ARHGAP44: variants seen among roughly 807,000 people sequenced by gnomAD.
ARHGAP44 encodes rho GTPase-activating protein 44.
Under a neutral mutation model 106.8 loss-of-function variants are expected in ARHGAP44, and 43 were observed. The observed-to-expected ratio is 0.40, with a 90% CI of 0.32 to 0.52. ARHGAP44 has a LOEUF of 0.52. ARHGAP44 is among the 20% of genes least tolerant of loss of function. The pLI is 0.48. For synonymous variants in ARHGAP44, 439 were observed against 410.3 expected (o/e 1.07, Z -0.85); for missense variants, 866 against 1,050.5 (o/e 0.82, Z 2.43).
At position 12,871,585 on chromosome 17, in the gene ARHGAP44, T is replaced by G. The variant is rs559394535; in HGVS notation, c.54-23355T>G. On this transcript the variant is annotated intron_variant, in intron 1 of 20. Transcript: ENST00000379672. ...ATAACTGGATCTCGTGAGAGCTCAC[T>G]GTCTTGAGAACAACAAGGGGGAAAT... is the stretch of plus-strand genomic sequence containing the variant. Among the ~76,000 whole-genome samples, 3 of 152,156 alleles carry G rather than the reference T, an allele frequency of 2.0e-5. No individual in the cohort carries two copies. The South Asian group carries it at 6.2e-4, about 32-fold the overall frequency.
chr17:12,913,554 T>C (rs1427262091), intron 4 of ARHGAP44, among the ~76,000 whole-genome samples: 1 of 152,194 alleles, frequency 6.6e-6, no homozygotes, highest in Non-Finnish European at 1.5e-5. Context: ...TGTTAATAGC[T>C]AATATTTAAA....
At chr17:12,899,980 G>C (rs2037327237) in intron 3 of ARHGAP44, among the ~76,000 whole-genome samples, 2 of 152,146 alleles carry the variant, frequency 1.3e-5, no homozygotes, top group Admixed American at 1.3e-4. Flanking sequence ...GATGTGGGTA[G>C]GCATAAAAAT....
At chr17:12,922,426 A>T (rs887624208) in intron 6 of ARHGAP44, among the ~76,000 whole-genome samples, 33 of 152,090 alleles carry the variant, frequency 2.2e-4, no homozygotes, top group Admixed American at 2.0e-3. Context: ...CAAGTACCCT[A>T]TTTTGGGAGT....
intron 3 of ARHGAP44, among the ~76,000 whole-genome samples, chr17:12,900,271 A>G (rs955742606): frequency 3.9e-5 from 6 of 152,082 alleles, no homozygotes; most frequent in African/African-American, 1.2e-4. Context: ...CTGAGATTAC[A>G]GACGCCCACC....
intron 3 of ARHGAP44, among the ~76,000 whole-genome samples, chr17:12,897,997 T>A (rs898379641): frequency 3.3e-5 from 5 of 151,884 alleles, no homozygotes; most frequent in African/African-American, 1.2e-4. Flanking sequence ...GATAGAAGAT[T>A]TGAGGTATGG....
At chr17:12,887,354 G>A (rs564565885) in intron 1 of ARHGAP44, among the ~76,000 whole-genome samples, 28 of 152,074 alleles carry the variant, frequency 1.8e-4, no homozygotes, top group Non-Finnish European at 3.4e-4. Flanking sequence ...TCAGCCACCC[G>A]AGTGGCTAGG....
chr17:12,859,178 G>A (rs1337039742), intron 1 of ARHGAP44, among the ~76,000 whole-genome samples: 1 of 152,118 alleles, frequency 6.6e-6, no homozygotes, highest in South Asian at 2.1e-4. Context: ...AGAAGATGAC[G>A]TGACAACATA....
At chr17:12,797,716 T>G (rs909777893) in intron 1 of ARHGAP44, among the ~76,000 whole-genome samples, 2 of 152,192 alleles carry the variant, frequency 1.3e-5, no homozygotes, top group Non-Finnish European at 2.9e-5. Flanking sequence ...GTTGATCAGT[T>G]TTCTTGACTG....
intron 6 of ARHGAP44, among the ~76,000 whole-genome samples, chr17:12,922,358 T>A (rs1435845795): frequency 6.6e-6 from 1 of 152,212 alleles, no homozygotes; most frequent in Non-Finnish European, 1.5e-5. Context: ...AAGTACTGAT[T>A]TGCTATTACC....
Position 12,915,888 on chromosome 17 carries a change from C to G in ARHGAP44, c.276-12C>G, listed in dbSNP as rs370562315. On this transcript the variant is annotated splice_polypyrimidine_tract_variant and intron_variant, in intron 4 of 20. Transcript: ENST00000379672. ...AAGAGTATTCACTATTTCTTTCCCC[C>G]TTGGATTACAGGAAGATGCTGAAAC... 1 of 1,611,254 alleles carries G rather than the reference C, an allele frequency of 6.2e-7. No homozygotes were observed. The highest frequency in any genetic ancestry group is 1.3e-5 in the African/African-American group (1 of 74,976).
At chr17:12,911,728 TC>T (rs2037743949) in intron 4 of ARHGAP44, among the ~76,000 whole-genome samples, 2 of 152,256 alleles carry the variant, frequency 1.3e-5, no homozygotes, top group Admixed American at 1.3e-4. Flanking sequence ...AATGGGGGAC[TC>T]CCGGTGCAGT....
At chr17:12,925,073 G>A (rs9303066) in intron 6 of ARHGAP44, among the ~76,000 whole-genome samples, 110,182 of 151,910 alleles carry the variant, frequency 0.73, 40,347 homozygotes, top group African/African-American at 0.82. Context: ...CTCATTCCTC[G>A]TCTCTCACCC....
intron 1 of ARHGAP44, among the ~76,000 whole-genome samples, chr17:12,840,447 C>T (rs951617613): frequency 1.3e-5 from 2 of 152,204 alleles, no homozygotes; most frequent in Non-Finnish European, 2.9e-5. Context: ...TTGTTTGCCA[C>T]TAGTTGGCCA....
chr17:12,921,739 T>G (rs2038091541), intron 6 of ARHGAP44, among the ~76,000 whole-genome samples: 1 of 152,240 alleles, frequency 6.6e-6, no homozygotes, highest in East Asian at 1.9e-4. Flanking sequence ...TCAAGTCACT[T>G]AATCTCCCAG....
At chr17:12,793,444 A>G (rs2033825249) in intron 1 of ARHGAP44, among the ~76,000 whole-genome samples, 1 of 152,162 alleles carries the variant, frequency 6.6e-6, no homozygotes, top group African/African-American at 2.4e-5. Flanking sequence ...GTGGTGGCTC[A>G]CGCCTGTAGT....
rs1245768467 is a variant in ARHGAP44, at chr17:12,789,625, G to T, written c.-214G>T. On this transcript the variant is annotated 5_prime_UTR_variant, in exon 1 of 21. Transcript: ENST00000379672. ...CTGCCCCGGGCATTGCGCGGCGCGC[G>T]TGAGGGGGATGCGGCAGGAGGCGGC... is the stretch of plus-strand genomic sequence containing the variant. The T allele has an allele frequency of 1.5e-5, 5 of 333,634 alleles. No homozygotes were observed. The highest frequency in any genetic ancestry group is 8.1e-4 in the Middle Eastern group (1 of 1,234). 20.7% of individuals were successfully genotyped at this position (333,634 alleles called of 1,614,324 possible). A position where few individuals can be genotyped will look rare whatever the true frequency, so the allele number is the denominator to read the frequency against.
intron 13 of ARHGAP44, among the ~76,000 whole-genome samples, chr17:12,955,140 C>T (rs2039096559): frequency 6.6e-6 from 1 of 152,190 alleles, no homozygotes; most frequent in South Asian, 2.1e-4. Context: ...GCTTCTTTCA[C>T]GTAGCATAAT....
intron 1 of ARHGAP44, among the ~76,000 whole-genome samples, chr17:12,791,510 C>T (rs972598642): frequency 3.9e-5 from 6 of 152,178 alleles, no homozygotes; most frequent in African/African-American, 1.4e-4. Context: ...TTCTCTTGGT[C>T]TTGGGGTTTC....
intron 1 of ARHGAP44, among the ~76,000 whole-genome samples, chr17:12,821,683 CAG>C (rs1398986575): frequency 4.6e-5 from 7 of 152,138 alleles, no homozygotes; most frequent in Non-Finnish European, 1.0e-4. Context: ...AAAATCAAAA[CAG>C]AGCATTATGT....
Sources: gnomAD v4.1 joint callset for allele counts (sites outside exome capture counted in the v4.1 genomes callset) on GRCh38, gnomAD v4.1.1 for gene constraint, MANE v1.5 for transcripts, NCBI Gene and HGNC (gene_info 2026-07-23, HGNC 2026-07-21) for gene names.